FHIP1B: variants seen among roughly 807,000 people sequenced by gnomAD.
FHIP1B encodes the protein FHF complex subunit HOOK interacting protein 1B.
A neutral mutation model predicts 82.2 loss-of-function variants in FHIP1B; 28 were observed. The observed-to-expected ratio is 0.34, with a 90% CI of 0.25 to 0.47. The LOEUF (loss-of-function observed/expected upper bound fraction) is 0.47, where lower values mean the gene tolerates loss of function less well. Among genes scored for constraint, FHIP1B ranks in the 20% least tolerant of loss-of-function variants. The probability of loss-of-function intolerance (pLI) is 1.00; values close to 1 mark genes in which losing one functional copy is unlikely to be tolerated. For missense variants in FHIP1B, 1,110 were observed against 1,262.6 expected (o/e 0.88, Z 1.83); for synonymous variants, 585 against 516.1 (o/e 1.13, Z -1.81).
rs910516364 is a variant in FHIP1B, at chr11:6,223,006, A to G, written c.936+74T>C. ...ATCCTACTTCCAAGATGGAAAAATG[A>G]CAGAACTCCAGGGAATATACCCCCT... On this transcript the variant is annotated intron_variant, in intron 4 of 11. Coordinates refer to ENST00000449352, the MANE Select transcript of FHIP1B (RefSeq NM_001098794.2). This position sits in a 1 kb window ranked among gnomAD's most constrained non-coding sequence, Gnocchi z 4.8. The G allele has an allele frequency of 1.9e-6, 3 of 1,582,308 alleles. No homozygotes were observed. Among genetic ancestry groups the G allele is most frequent in the Non-Finnish European group, 2.6e-6 (3 of 1,158,572 alleles).
intron 1 of FHIP1B, among the ~76,000 whole-genome samples, chr11:6,233,070 G>T (rs889121376): frequency 6.6e-6 from 1 of 152,170 alleles, no homozygotes; most frequent in Non-Finnish European, 1.5e-5. Context: ...ACTCTGAACT[G>T]TAAGTTCTGA....
At position 6,219,017 on chromosome 11, in the gene FHIP1B, G is replaced by A. The variant is rs1276984638; in HGVS notation, c.1225C>T (p.Leu409Phe). ...CMVSLSLFRT[L>F]LNLSCEDVLL... ...ACATCCTCACAGCTGAGGTTCAGGA[G>A]GGTCCTGAAGAGACTCAGAGAGACC... is the stretch of plus-strand genomic sequence containing the variant. Residue 409 changes from leucine (L) to phenylalanine (F), a missense_variant, in exon 7 of 12, where the codon CTC (leucine) becomes TTC (phenylalanine). Around this residue, in one of 6 missense-constraint regions of FHIP1B, gnomAD observed 467 missense variants for 602.9 expected, o/e 0.77. Coordinates refer to ENST00000449352, the MANE Select transcript of FHIP1B (RefSeq NM_001098794.2). 6.2e-7 allele frequency: 1 copy of A among 1,613,662 alleles called. No individual in the cohort carries two copies. Among genetic ancestry groups the A allele is most frequent in the African/African-American group, 1.3e-5 (1 of 74,904 alleles).
In FHIP1B at chr11:6,219,089, G is replaced by A; in HGVS notation, c.1192-39C>T. 2.6e-6 allele frequency: 4 copies of A among 1,515,676 alleles called. No individual in the cohort carries two copies. In the South Asian group the frequency reaches 3.5e-5, roughly 13 times the overall value. 93.9% of individuals were successfully genotyped at this position (1,515,676 alleles called of 1,614,324 possible). A position where few individuals can be genotyped will look rare whatever the true frequency, so the allele number is the denominator to read the frequency against. On this transcript the variant is annotated intron_variant, in intron 6 of 11. Coordinates refer to ENST00000449352, the MANE Select transcript of FHIP1B (RefSeq NM_001098794.2). The stretch of plus-strand genomic sequence containing the variant: ...GGGGAGGGAGGGAGTCACCATAAGA[G>A]CTCTCTGCCCTCCAAGCCATTCACC...
At chr11:6,231,672 T>C (rs904208317) in intron 1 of FHIP1B, among the ~76,000 whole-genome samples, 16 of 151,450 alleles carry the variant, frequency 1.1e-4, no homozygotes, top group African/African-American at 3.9e-4. Context: ...GGTTTTATTG[T>C]CGTTGTTGTT....
intron 11 of FHIP1B, among the ~76,000 whole-genome samples, chr11:6,212,298 T>A (rs1343787472): frequency 6.6e-6 from 1 of 152,200 alleles, no homozygotes; most frequent in Non-Finnish European, 1.5e-5. Flanking sequence ...CCTCTGTCTA[T>A]AGCATGCCCT....
chr11:6,217,848 G>A lies in FHIP1B; in HGVS notation c.1738C>T (p.Arg580Trp), dbSNP rs761564270. The part of the protein sequence containing the change: ...RTWSAPYDGE[R>W]PSPEPSPFGS... The stretch of plus-strand genomic sequence containing the variant: ...AAAGGACTGGGCTCAGGAGAGGGCC[G>A]CTCGCCATCATAGGGGGCAGACCAG... The change falls in exon 9 of 12, where the codon CGG (arginine) becomes TGG (tryptophan). Residue 580 changes from arginine (R) to tryptophan (W), a missense_variant. By Grantham distance (101) the Arg-to-Trp change is moderately radical. This residue lies in a region of FHIP1B where 418 missense variants were observed against 371.4 expected (regional missense o/e 1.13). Transcript: ENST00000449352. 27 of 1,613,646 alleles carry A rather than the reference G, an allele frequency of 1.7e-5. No individual in the cohort carries two copies. Among genetic ancestry groups the A allele is most frequent in the Middle Eastern group, 1.6e-4 (1 of 6,084 alleles).
intron 11 of FHIP1B, among the ~76,000 whole-genome samples, 200 bp downstream of exon 11, chr11:6,214,211 T>G (rs1210079767): frequency 6.6e-6 from 1 of 152,232 alleles, no homozygotes; most frequent in Non-Finnish European, 1.5e-5. Flanking sequence ...TAGTTTTTGC[T>G]AGAACTGCTG....
In FHIP1B at chr11:6,224,592, T is replaced by C. The variant is rs1057368061; in HGVS notation, c.-76A>G. The C allele has an allele frequency of 3.4e-6, 5 of 1,473,244 alleles. No individual in the cohort carries two copies. Among genetic ancestry groups the C allele is most frequent in the Non-Finnish European group, 4.6e-6 (5 of 1,097,246 alleles). The allele number at this position is 1,473,244 out of a possible 1,614,324, so 91.3% of individuals were successfully genotyped here. The stretch of plus-strand genomic sequence containing the variant: ...GCCAGCTGGAGGTTTTCTCCACTTG[T>C]GTCTCCAGTCTGCTTCATCCGGTCT... On this transcript the variant is annotated 5_prime_UTR_variant, in exon 2 of 12. Coordinates refer to ENST00000449352, the MANE Select transcript of FHIP1B (RefSeq NM_001098794.2).
At chr11:6,233,275 ACTCTT>A (rs1335399160) in intron 1 of FHIP1B, among the ~76,000 whole-genome samples, 7 of 152,180 alleles carry the variant, frequency 4.6e-5, no homozygotes, top group Non-Finnish European at 1.5e-5. Flanking sequence ...GAAAGACTTA[ACTCTT>A]TCTGAGTCTG....
chr11:6,218,471 C>A, intron 8 of FHIP1B, 129 bp downstream of exon 8: 2 of 1,430,402 alleles, frequency 1.4e-6, no homozygotes, highest in Non-Finnish European at 1.9e-6. Flanking sequence ...CATCAACCTC[C>A]CCAAAGACAG....
At chr11:6,233,194 T>A (rs1033952925) in intron 1 of FHIP1B, among the ~76,000 whole-genome samples, 1 of 152,198 alleles carries the variant, frequency 6.6e-6, no homozygotes, top group Admixed American at 6.5e-5. Flanking sequence ...GCTAAGACTC[T>A]GGAAAAGAAT....
chr11:6,211,970 T>C, intron 11 of FHIP1B, 103 bp from the exon 12 acceptor site: 1 of 1,456,414 alleles, frequency 6.9e-7, no homozygotes, highest in Non-Finnish European at 9.0e-7. Flanking sequence ...ACTTCTCCTT[T>C]AGGGTTCTGA....
At chr11:6,226,781 C>T (rs1362968064) in intron 1 of FHIP1B, among the ~76,000 whole-genome samples, 2 of 152,200 alleles carry the variant, frequency 1.3e-5, no homozygotes, top group African/African-American at 4.8e-5. Flanking sequence ...CTTTTGTCTA[C>T]TGACACCCTA....
In FHIP1B at chr11:6,223,388, T is replaced by G; in HGVS notation, c.778-150A>C. ...TTTGCCTACCCAATGTGCCTGAAAC[T>G]CACCTAGAATTCACAGGCCTACAAA... On this transcript the variant is annotated intron_variant, in intron 3 of 11. Transcript: ENST00000449352. This position sits in a 1 kb window ranked among gnomAD's most constrained non-coding sequence, Gnocchi z 4.8. 9.8e-7 allele frequency: 1 copy of G among 1,021,452 alleles called. No homozygotes were observed. Among genetic ancestry groups the G allele is most frequent in the Non-Finnish European group, 1.4e-6 (1 of 712,920 alleles). 63.3% of individuals were successfully genotyped at this position (1,021,452 alleles called of 1,614,324 possible).
intron 1 of FHIP1B, among the ~76,000 whole-genome samples, chr11:6,234,333 G>A (rs1162230930): frequency 6.6e-6 from 1 of 151,916 alleles, no homozygotes; most frequent in Admixed American, 6.6e-5. Context: ...CCTTCAACTT[G>A]GCACCTCCGA....
In FHIP1B at chr11:6,223,804, C is replaced by T. The variant is rs759448155; in HGVS notation, c.583G>A (p.Glu195Lys). The change falls in exon 3 of 12, where the codon GAG becomes AAG. Residue 195 changes from glutamate (E) to lysine (K), a missense_variant. Glu to Lys is a moderately conservative substitution (Grantham distance 56). Around this residue, in one of 6 missense-constraint regions of FHIP1B, gnomAD observed 467 missense variants for 602.9 expected, o/e 0.77. Transcript: ENST00000449352. The surrounding 1 kb of genome is among the most constrained non-coding windows in gnomAD (Gnocchi z 4.8). ...VCVAQEPSLLEFFLQPPPEPG... is the reference protein window; with the variant it reads ...VCVAQEPSLLKFFLQPPPEPG... ...TCAGGAGGTGGCTGCAGGAAGAACT[C>T]GAGCAATGAAGGCTCCTGGGCCACA... 6.8e-6 allele frequency: 11 copies of T among 1,614,066 alleles called. No homozygotes were observed. Among genetic ancestry groups the T allele is most frequent in the Non-Finnish European group, 9.3e-6 (11 of 1,180,024 alleles).
rs1275773440 is a variant in FHIP1B at position 6,214,435 on chromosome 11, C to T, written c.2533G>A (p.Ala845Thr). Residue 845 changes from alanine (A) to threonine (T), a missense_variant, in exon 11 of 12, where the codon GCC becomes ACC. This residue lies in a region of FHIP1B where 147 missense variants were observed against 154.0 expected (regional missense o/e 0.95). Transcript: ENST00000449352. ...DWAEGPAAGP[A>T]PRRSDPLVKS... is the part of the protein sequence containing the mutation. ...CCTAGGGGATCAGAACGGCGTGGGGCAGGTCCTGCTGCAGGGCCCTCAGCC... is the reference window on the plus strand; with the variant it reads ...CCTAGGGGATCAGAACGGCGTGGGGTAGGTCCTGCTGCAGGGCCCTCAGCC... 1.1e-5 allele frequency: 18 copies of T among 1,612,640 alleles called. No homozygotes were observed. Among genetic ancestry groups the T allele is most frequent in the Non-Finnish European group, 1.5e-5 (18 of 1,179,468 alleles).
intron 1 of FHIP1B, among the ~76,000 whole-genome samples, chr11:6,230,877 T>G (rs1425701511): frequency 1.3e-5 from 2 of 152,238 alleles, no homozygotes; most frequent in Non-Finnish European, 2.9e-5. Context: ...TTTAGGGAAC[T>G]GTGAACAATT....
rs748329020 is a variant in FHIP1B, at chr11:6,223,089, T to C, written c.927A>G (p.Ala309=). ...AGACTTTCAGTCCTACCTGAATTAC[T>C]GCATTGCAGAACTCCAGGGAACTCA... ...LFMSSLEFCN[A]VIQVAHPLVQ... Residue 309 remains alanine (A), a synonymous_variant, in exon 4 of 12, where the codon GCA becomes GCG. Coordinates refer to ENST00000449352, the MANE Select transcript of FHIP1B (RefSeq NM_001098794.2). The surrounding 1 kb of genome is among the most constrained non-coding windows in gnomAD (Gnocchi z 4.8). The C allele has an allele frequency of 6.3e-7, 1 of 1,579,958 alleles. No individual in the cohort carries two copies. Among genetic ancestry groups the C allele is most frequent in the South Asian group, 1.2e-5 (1 of 86,888 alleles).
Sources: allele counts gnomAD v4.1 joint callset (sites outside exome capture counted in the v4.1 genomes callset), GRCh38; gene constraint gnomAD v4.1.1; regional missense constraint gnomAD v4.1.1; non-coding constraint Gnocchi (gnomAD v3.1); transcripts MANE v1.5; gene names NCBI Gene and HGNC (gene_info 2026-07-23, HGNC 2026-07-21).